The following ENTREP2 variants were observed in gnomAD, a reference collection of about 807,000 sequenced individuals.
The protein encoded by ENTREP2 is protein ENTREP2.
At chr15:29,604,200 T>C in the ENTREP2 span, among the ~76,000 whole-genome samples, 1 of 152,224 alleles carries the variant, frequency 6.6e-6, no homozygotes, top group Non-Finnish European at 1.5e-5. Flanking sequence ...ATCATCAGTC[T>C]ACTTAGTAAC....
the ENTREP2 span, among the ~76,000 whole-genome samples, chr15:29,461,720 G>T: frequency 6.6e-6 from 1 of 152,050 alleles, no homozygotes; most frequent in Non-Finnish European, 1.5e-5. Flanking sequence ...TGATCCACCC[G>T]CTTCGGCCTC....
At chr15:29,544,403 T>C in the ENTREP2 span, among the ~76,000 whole-genome samples, 190 of 148,196 alleles carry the variant, frequency 1.3e-3, 1 homozygote, top group South Asian at 0.014. Flanking sequence ...GATGAGAAGT[T>C]CTGGAGGTGT....
the ENTREP2 span, among the ~76,000 whole-genome samples, chr15:29,311,695 C>CAAA: frequency 1.3e-5 from 2 of 151,156 alleles, no homozygotes; most frequent in African/African-American, 4.9e-5. Flanking sequence ...ATCCCCCCCC[C>CAAA]AAAAAAAAGT....
the ENTREP2 span, among the ~76,000 whole-genome samples, chr15:29,291,060 G>A: frequency 6.6e-6 from 1 of 152,120 alleles, no homozygotes; most frequent in Non-Finnish European, 1.5e-5. Flanking sequence ...CTGGCCTGAG[G>A]TGCTCACCAT....
At chr15:29,212,198 C>T in the ENTREP2 span, among the ~76,000 whole-genome samples, 15 of 152,082 alleles carry the variant, frequency 9.9e-5, no homozygotes, top group Admixed American at 3.3e-4. Flanking sequence ...TCCTGCCTTA[C>T]GCTAGGAGGG....
the ENTREP2 span, among the ~76,000 whole-genome samples, chr15:29,181,558 T>C: frequency 2.0e-5 from 3 of 152,162 alleles, no homozygotes; most frequent in Non-Finnish European, 4.4e-5. Flanking sequence ...ATGAAAATAT[T>C]GTGCCTAAGT....
the ENTREP2 span, among the ~76,000 whole-genome samples, chr15:29,566,495 C>G: frequency 3.7e-3 from 561 of 151,594 alleles, 5 homozygotes; most frequent in African/African-American, 0.013. Context: ...TCACTCTTGT[C>G]CCCCAGGCTG....
At chr15:29,142,056 A>T in the ENTREP2 span, among the ~76,000 whole-genome samples, 1 of 152,250 alleles carries the variant, frequency 6.6e-6, no homozygotes, top group East Asian at 1.9e-4. Flanking sequence ...AGGGCAGCCA[A>T]GCAGAAACCG....
the ENTREP2 span, among the ~76,000 whole-genome samples, chr15:29,432,496 T>C: frequency 0.029 from 4,390 of 152,252 alleles, 223 homozygotes; most frequent in African/African-American, 0.1. Flanking sequence ...TTCCCCACAT[T>C]TGCACCATGT....
At chr15:29,468,151 C>T in the ENTREP2 span, among the ~76,000 whole-genome samples, 23 of 152,150 alleles carry the variant, frequency 1.5e-4, no homozygotes, top group Non-Finnish European at 2.9e-4. Flanking sequence ...ACTGGGAGCA[C>T]CCTCCTTCCA....
At chr15:29,589,412 T>C in the ENTREP2 span, among the ~76,000 whole-genome samples, 42 of 152,330 alleles carry the variant, frequency 2.8e-4, no homozygotes, top group African/African-American at 1.0e-3. Context: ...TTGTTCTGTA[T>C]TTGAGAGCAA....
chr15:29,452,379 C>T, the ENTREP2 span, among the ~76,000 whole-genome samples: 4 of 152,204 alleles, frequency 2.6e-5, no homozygotes, highest in South Asian at 2.1e-4. Context: ...CCTTCACCCT[C>T]GTCAGCTCCC....
the ENTREP2 span, among the ~76,000 whole-genome samples, chr15:29,422,142 C>T: frequency 6.6e-6 from 1 of 152,040 alleles, no homozygotes; most frequent in Non-Finnish European, 1.5e-5. Context: ...TGGTGGTGGG[C>T]ACCTGTAATA....
the ENTREP2 span, among the ~76,000 whole-genome samples, chr15:29,641,519 T>C: frequency 6.6e-6 from 1 of 152,050 alleles, no homozygotes; most frequent in African/African-American, 2.4e-5. Context: ...TACATTAGCA[T>C]GCACAATCAA....
At chr15:29,606,778 C>T in the ENTREP2 span, among the ~76,000 whole-genome samples, 1 of 151,894 alleles carries the variant, frequency 6.6e-6, no homozygotes, top group African/African-American at 2.4e-5. Flanking sequence ...TATATCTTGA[C>T]AGCAGTCATC....
At chr15:29,301,679 G>A in the ENTREP2 span, among the ~76,000 whole-genome samples, 1 of 152,166 alleles carries the variant, frequency 6.6e-6, no homozygotes, top group Non-Finnish European at 1.5e-5. Context: ...TAATCTGAAC[G>A]TTGTGGCCCA....
the ENTREP2 span, among the ~76,000 whole-genome samples, chr15:29,544,370 G>A: frequency 6.6e-6 from 1 of 152,098 alleles, no homozygotes; most frequent in South Asian, 2.1e-4. Context: ...ATGTTGAAGG[G>A]GTACAGAGCT....
chr15:29,246,218 T>C, the ENTREP2 span, among the ~76,000 whole-genome samples: 1 of 148,290 alleles, frequency 6.7e-6, no homozygotes, highest in Non-Finnish European at 1.5e-5. Context: ...ACGGTGAAAC[T>C]CTCTACAAAA....
chr15:29,214,703 T>A, the ENTREP2 span, among the ~76,000 whole-genome samples: 7 of 140,292 alleles, frequency 5.0e-5, no homozygotes, highest in East Asian at 4.5e-4. Context: ...AAAAAAAAAA[T>A]GTAAAAAAAA....
Sources: allele counts gnomAD v4.1 joint callset (sites outside exome capture counted in the v4.1 genomes callset), GRCh38; gene constraint gnomAD v4.1.1; transcripts MANE v1.5; gene names NCBI Gene and HGNC (gene_info 2026-07-23, HGNC 2026-07-21).